Variants in KLHL10 observed in about 807,000 individuals in gnomAD.
KLHL10 encodes the protein kelch-like protein 10.
In KLHL10, 11 loss-of-function variants were observed where a neutral mutation model predicts 46.6. The ratio of observed to expected loss-of-function variants is 0.24; its 90% CI spans 0.15 to 0.39. The LOEUF is 0.39. Among genes scored for constraint, KLHL10 ranks in the 10% least tolerant of loss-of-function variants. KLHL10 has a pLI of 1.00. For missense variants in KLHL10, 475 were observed against 789.8 expected, an observed-to-expected ratio of 0.60 and a Z score of 4.78; for synonymous variants, 254 against 279.1, an observed-to-expected ratio of 0.91 and a Z score of 0.90.
rs782721387 is a variant in KLHL10, at chr17:41,847,945, G to A, written c.1465G>A (p.Asp489Asn). The A allele has an allele frequency of 1.9e-5, 30 of 1,614,002 alleles. No homozygotes were observed. Among genetic ancestry groups the A allele is most frequent in the Non-Finnish European group, 2.5e-5 (29 of 1,180,046 alleles). Residue 489 changes from aspartate to asparagine, a missense_variant, in exon 5 of 5, where the codon GAT (aspartate) becomes AAT (asparagine). Transcript: ENST00000293303. ...TTGCTATCCACAGGTAGGTGGCTTT[G>A]ATGGAGCTAATCGACTTAGGAGTGC... ...GEHVYAVGGFDGANRLRSAEA... is the reference protein window; with the variant it reads ...GEHVYAVGGFNGANRLRSAEA...
At chr17:41,845,916 G>A in intron 3 of KLHL10, 173 bp downstream of exon 3, 1 of 903,396 alleles carries the variant, frequency 1.1e-6, no homozygotes, top group Non-Finnish European at 1.7e-6. Context: ...GTTGTTTATT[G>A]AAAAGTAATG....
At chr17:41,847,630 C>T (rs1251461456) in intron 4 of KLHL10, among the ~76,000 whole-genome samples, 24 of 152,010 alleles carry the variant, frequency 1.6e-4, no homozygotes, top group Non-Finnish European at 2.8e-4. Context: ...CTCAGCCTCC[C>T]GAGCAGCTGG....
upstream of KLHL10, chr17:41,836,147 G>A (rs950758796): frequency 2.3e-5 from 30 of 1,312,138 alleles, no homozygotes; most frequent in Non-Finnish European, 3.9e-6. Flanking sequence ...CGGAGTCCGG[G>A]CCCGCCCCAC....
At chr17:41,847,128 A>G in intron 3 of KLHL10, 133 bp from the exon 4 acceptor site, 1 of 769,084 alleles carries the variant, frequency 1.3e-6, no homozygotes, top group South Asian at 1.4e-5. Context: ...ATAAAAAGCA[A>G]TGCATGCACA....
In KLHL10 at chr17:41,842,266, A is replaced by C. The variant is rs1269935069; in HGVS notation, c.638A>C (p.His213Pro). Residue 213 changes from histidine to proline, a missense_variant, in exon 2 of 5, where the codon CAT becomes CCT. His to Pro is a moderately conservative substitution (Grantham distance 77). Coordinates refer to ENST00000293303, the MANE Select transcript of KLHL10 (RefSeq NM_152467.5). ...GAGGCCATTTTAAAGTGGATTTCTC[A>C]TGACCCCCAAAATAGAAAGCAGCAC... Reference protein sequence around the residue: ...VFEAILKWISHDPQNRKQHIS... With the variant: ...VFEAILKWISPDPQNRKQHIS... The C allele has an allele frequency of 1.2e-6, 2 of 1,614,054 alleles. No homozygotes were observed. Among genetic ancestry groups the C allele is most frequent in the Non-Finnish European group, 1.7e-6 (2 of 1,180,044 alleles).
chr17:41,845,492 G>A lies in KLHL10; in HGVS notation c.1051G>A (p.Asp351Asn). 6.2e-7 allele frequency: 1 copy of A among 1,614,222 alleles called. No individual in the cohort carries two copies. The highest frequency in any genetic ancestry group is 1.1e-5 in the South Asian group (1 of 91,074). Residue 351 changes from aspartate (D) to asparagine (N), a missense_variant, in exon 3 of 5, where the codon GAC (aspartate) becomes AAC (asparagine). Coordinates refer to ENST00000293303, the MANE Select transcript of KLHL10 (RefSeq NM_152467.5). ...VYIIGGFDSV[D>N]YFNSVKRFDP... ...TATCATTGGGGGGTTTGATAGTGTA[G>A]ACTATTTCAATAGTGTTAAGCGTTT...
At position 41,848,315 on chromosome 17, in the gene KLHL10, C is replaced by A; in HGVS notation, c.*8C>A. 6.2e-7 allele frequency: 1 copy of A among 1,605,522 alleles called. No homozygotes were observed. The highest frequency in any genetic ancestry group is 8.5e-7 in the Non-Finnish European group (1 of 1,179,304). Reference sequence around the variant, plus strand: ...AGTACCCTACCTGTATGAGCCTCTTCATTTAGCTAATAAAAAGTCTAAGCA... The same window carrying A: ...AGTACCCTACCTGTATGAGCCTCTTAATTTAGCTAATAAAAAGTCTAAGCA... On this transcript the variant is annotated 3_prime_UTR_variant, in exon 5 of 5. Coordinates refer to ENST00000293303, the MANE Select transcript of KLHL10 (RefSeq NM_152467.5).
chr17:41,841,667 G>T, intron 1 of KLHL10, 156 bp from the exon 2 acceptor site: 1 of 804,358 alleles, frequency 1.2e-6, no homozygotes, highest in Non-Finnish European at 2.1e-6. Context: ...CATCCACAAG[G>T]TAAGAGTGAC....
At chr17:41,844,173 C>G (rs1844374796) in intron 2 of KLHL10, among the ~76,000 whole-genome samples, 1 of 152,180 alleles carries the variant, frequency 6.6e-6, no homozygotes, top group Non-Finnish European at 1.5e-5. Flanking sequence ...AATTCTCACA[C>G]CTTAGCCTCC....
upstream of KLHL10, chr17:41,837,671 G>A (rs2048179463): frequency 4.3e-6 from 5 of 1,151,062 alleles, no homozygotes; most frequent in Non-Finnish European, 5.8e-6. Flanking sequence ...GACACAGAAG[G>A]AGGTGTGAGG....
At chr17:41,836,204 G>T, upstream of KLHL10, 1 of 1,244,346 alleles carries the variant, frequency 8.0e-7, no homozygotes, top group Non-Finnish European at 1.0e-6. Context: ...CCCGTTCGAG[G>T]CCTGGTCGGC....
In KLHL10 at chr17:41,848,198, C is replaced by T. The variant is rs782702504; in HGVS notation, c.1718C>T (p.Pro573Leu). Residue 573 changes from proline (P) to leucine (L), a missense_variant, in exon 5 of 5, where the codon CCA becomes CTA. Coordinates refer to ENST00000293303, the MANE Select transcript of KLHL10 (RefSeq NM_152467.5). ...YRSALSCCVV[P>L]GLANVEEYAA... The stretch of plus-strand genomic sequence containing the variant: ...AGTGCTCTGAGCTGCTGTGTAGTAC[C>T]AGGGCTGGCCAATGTTGAGGAATAT... The T allele has an allele frequency of 6.8e-6, 11 of 1,614,048 alleles. No individual in the cohort carries two copies. Among genetic ancestry groups the T allele is most frequent in the Non-Finnish European group, 8.5e-6 (10 of 1,180,016 alleles).
rs2059309559 is a variant in KLHL10, at chr17:41,845,692, C to T, written c.1251C>T (p.Ala417=). 1 of 1,612,556 alleles carries T rather than the reference C, an allele frequency of 6.2e-7. No individual in the cohort carries two copies. The highest frequency in any genetic ancestry group is 1.1e-5 in the South Asian group (1 of 90,912). The change falls in exon 3 of 5, where the codon GCC becomes GCT. Residue 417 remains alanine (A), a synonymous_variant. Coordinates refer to ENST00000293303, the MANE Select transcript of KLHL10 (RefSeq NM_152467.5). ...EPETNQWTLI[A]PMHEQRSDAS... is the part of the protein sequence containing the mutation. The stretch of plus-strand genomic sequence containing the variant: ...AGACCAATCAATGGACACTCATCGC[C>T]CCCATGCACGAACAGAGGAGTGATG...
At chr17:41,839,891 T>TG (rs1385709345) in intron 1 of KLHL10, among the ~76,000 whole-genome samples, 1 of 151,314 alleles carries the variant, frequency 6.6e-6, no homozygotes, top group Admixed American at 6.6e-5. Flanking sequence ...TTTTCTTTTT[T>TG]TTTTTGAAAT....
chr17:41,840,338 TC>T (rs2048214028), intron 1 of KLHL10, among the ~76,000 whole-genome samples: 3 of 152,052 alleles, frequency 2.0e-5, no homozygotes, highest in African/African-American at 7.2e-5. Flanking sequence ...TTTGATTTTT[TC>T]CCCCAACCAG....
chr17:41,839,275 C>T (rs2048203399), intron 1 of KLHL10, among the ~76,000 whole-genome samples: 1 of 152,204 alleles, frequency 6.6e-6, no homozygotes. Flanking sequence ...CAGGCATGAG[C>T]CACTGCACCC....
upstream of KLHL10, chr17:41,836,016 C>G (rs1044537430): frequency 2.7e-6 from 4 of 1,467,144 alleles, no homozygotes; most frequent in African/African-American, 5.9e-5. Context: ...CGAGGGGAGC[C>G]CGGGGCTCGC....
At chr17:41,841,664 A>G (rs1555620744) in intron 1 of KLHL10, 159 bp from the exon 2 acceptor site, 2 of 766,676 alleles carry the variant, frequency 2.6e-6, no homozygotes, top group African/African-American at 1.8e-5. Flanking sequence ...CTCCATCCAC[A>G]AGGTAAGAGT....
upstream of KLHL10, chr17:41,837,680 G>A (rs1214109188): frequency 6.8e-6 from 8 of 1,182,322 alleles, no homozygotes; most frequent in African/African-American, 1.1e-4. Flanking sequence ...GGAGGTGTGA[G>A]GTGGTTTTCA....
Sources: gnomAD v4.1 joint callset for allele counts (sites outside exome capture counted in the v4.1 genomes callset) on GRCh38, gnomAD v4.1.1 for gene constraint, MANE v1.5 for transcripts, NCBI Gene and HGNC (gene_info 2026-07-23, HGNC 2026-07-21) for gene names.